NTNG1: variants seen among roughly 807,000 people sequenced by gnomAD.
NTNG1 encodes the protein netrin-G1.
NTNG1 carries 16 observed loss-of-function variants against 54.0 expected under a neutral mutation model. That is an observed-to-expected ratio of 0.30 (90% CI 0.20 to 0.45). NTNG1 has a LOEUF of 0.45. NTNG1 is among the 20% of genes least tolerant of loss of function. NTNG1 has a pLI of 1.00. For missense variants in NTNG1, 530 were observed against 678.7 expected, an observed-to-expected ratio of 0.78 and a Z score of 2.43; for synonymous variants, 255 against 263.1, an observed-to-expected ratio of 0.97 and a Z score of 0.30.
intron 2 of NTNG1, among the ~76,000 whole-genome samples, chr1:107,275,498 G>A (rs1664408820): frequency 1.3e-5 from 2 of 152,220 alleles, no homozygotes; most frequent in South Asian, 4.1e-4. Flanking sequence ...AGACCCAGGA[G>A]AGGCAATGTG....
At chr1:107,446,480 G>A (rs1676314025) in intron 7 of NTNG1, among the ~76,000 whole-genome samples, 1 of 152,048 alleles carries the variant, frequency 6.6e-6, no homozygotes, top group African/African-American at 2.4e-5. Flanking sequence ...GACAATTACA[G>A]TAATAATATC....
intron 5 of NTNG1, chr1:107,418,622 T>C (rs767129211): frequency 6.2e-7 from 1 of 1,602,272 alleles, no homozygotes; most frequent in Non-Finnish European, 8.5e-7. Context: ...ATTTCTTCCC[T>C]TGAGGTTTCT....
At chr1:107,399,956 A>G (rs900266927) in intron 4 of NTNG1, among the ~76,000 whole-genome samples, 5 of 152,032 alleles carry the variant, frequency 3.3e-5, no homozygotes, top group Admixed American at 2.0e-4. Context: ...AGTCTTTTAA[A>G]TCTCCATGTT....
At chr1:107,369,935 T>C (rs1369681614) in intron 3 of NTNG1, among the ~76,000 whole-genome samples, 1 of 152,156 alleles carries the variant, frequency 6.6e-6, no homozygotes, top group East Asian at 1.9e-4. Flanking sequence ...ATAGTTCAGT[T>C]ATTATATGAA....
chr1:107,334,569 C>T lies in NTNG1; in HGVS notation c.887+9647C>T, dbSNP rs147185305. ...ATTGGATTTGTATAGACAGGGTGTA[C>T]GCCACATAGAGTCATAGCATTGCAA... On this transcript the variant is annotated intron_variant, in intron 3 of 7. Transcript: ENST00000370068. Among the ~76,000 whole-genome samples, 412 of 151,224 alleles carry T rather than the reference C, an allele frequency of 2.7e-3. 1 individual carries two copies. Among genetic ancestry groups the T allele is most frequent in the African/African-American group, 9.5e-3 (392 of 41,214 alleles).
intron 2 of NTNG1, among the ~76,000 whole-genome samples, chr1:107,199,486 G>A (rs1658576365): frequency 6.6e-6 from 1 of 151,814 alleles, no homozygotes; most frequent in African/African-American, 2.4e-5. Context: ...TTAAAAATAT[G>A]TACTGGATAC....
chr1:107,343,729 G>C (rs11185093), intron 3 of NTNG1, among the ~76,000 whole-genome samples: 39,453 of 151,970 alleles, frequency 0.26, 5,350 homozygotes, highest in African/African-American at 0.34. Flanking sequence ...CAGTGCAATA[G>C]AGGCTTTTTA....
chr1:107,142,703 C>T (rs1570693059), intron 1 of NTNG1, among the ~76,000 whole-genome samples: 1 of 147,938 alleles, frequency 6.8e-6, no homozygotes, highest in East Asian at 1.9e-4. Flanking sequence ...GGAAGATCTT[C>T]CATTAAAATC....
At chr1:107,142,324 T>G (rs1040991154) in intron 1 of NTNG1, among the ~76,000 whole-genome samples, 3 of 151,690 alleles carry the variant, frequency 2.0e-5, no homozygotes, top group African/African-American at 7.3e-5. Context: ...TTTTTTTCCT[T>G]CAGAAATCCA....
intron 3 of NTNG1, among the ~76,000 whole-genome samples, chr1:107,388,462 G>T (rs1316924860): frequency 1.3e-5 from 2 of 152,182 alleles, no homozygotes; most frequent in African/African-American, 4.8e-5. Flanking sequence ...GCTCCATTTT[G>T]TACCTGCTGG....
At position 107,221,306 on chromosome 1, in the gene NTNG1, A is replaced by G. The variant is rs114378147; in HGVS notation, c.246+72467A>G. Among the ~76,000 whole-genome samples, 783 of 152,292 alleles carry G rather than the reference A, an allele frequency of 5.1e-3. 8 individuals are homozygous for G. The highest frequency in any genetic ancestry group is 0.018 in the African/African-American group (740 of 41,562). On this transcript the variant is annotated intron_variant, in intron 2 of 7. Transcript: ENST00000370068. ...GCAAATTGCCCTTGGGCTTCAGCCC[A>G]CAAGGAGACCACACTCCTACAGGCA...
At chr1:107,280,152 C>T in intron 2 of NTNG1, among the ~76,000 whole-genome samples, 2 of 92,760 alleles carry the variant, frequency 2.2e-5, no homozygotes, top group Non-Finnish European at 4.0e-5. Flanking sequence ...TGTTTCGGTG[C>T]TAACCTTTTT....
chr1:107,440,503 T>C (rs1182738473), intron 7 of NTNG1, among the ~76,000 whole-genome samples: 1 of 152,158 alleles, frequency 6.6e-6, no homozygotes, highest in Non-Finnish European at 1.5e-5. Context: ...ATAGTAATTG[T>C]GAAGGTTCAA....
At chr1:107,266,159 A>G (rs552408881) in intron 2 of NTNG1, among the ~76,000 whole-genome samples, 1 of 152,300 alleles carries the variant, frequency 6.6e-6, no homozygotes, top group Non-Finnish European at 1.5e-5. Flanking sequence ...ATGTGGTAAT[A>G]TGAAATTGGG....
At chr1:107,247,637 A>G (rs1338827835) in intron 2 of NTNG1, among the ~76,000 whole-genome samples, 1 of 152,204 alleles carries the variant, frequency 6.6e-6, no homozygotes, top group East Asian at 1.9e-4. Context: ...TAACATGATC[A>G]GCTTTTCTTT....
At chr1:107,193,799 C>G (rs1658128097) in intron 2 of NTNG1, among the ~76,000 whole-genome samples, 1 of 151,554 alleles carries the variant, frequency 6.6e-6, no homozygotes, top group Non-Finnish European at 1.5e-5. Flanking sequence ...TGCCACCAGA[C>G]CTTCCTTTCT....
At chr1:107,338,763 G>T (rs2101918743) in intron 3 of NTNG1, among the ~76,000 whole-genome samples, 1 of 151,450 alleles carries the variant, frequency 6.6e-6, no homozygotes. Context: ...GAAGGCCCTG[G>T]AGAATGACCA....
At chr1:107,361,389 A>ATTTTTT (rs1261714656) in intron 3 of NTNG1, among the ~76,000 whole-genome samples, 1 of 74,622 alleles carries the variant, frequency 1.3e-5, no homozygotes, top group African/African-American at 4.1e-5. Flanking sequence ...ATATATATAT[A>ATTTTTT]TATTTTTTTT....
rs1558035109 is a variant in NTNG1, at chr1:107,483,619, G to A, written c.*2779G>A. Among the ~76,000 whole-genome samples the A allele has an allele frequency of 6.6e-6, 1 of 152,176 alleles. No homozygotes were observed. The highest frequency in any genetic ancestry group is 1.9e-4 in the East Asian group (1 of 5,196). On this transcript the variant is annotated 3_prime_UTR_variant, in exon 8 of 8. Coordinates refer to ENST00000370068, the MANE Select transcript of NTNG1 (RefSeq NM_001113226.3). ...TTTCATCTACAATGTTGTGCCCTAA[G>A]AACAGGACTGGGGTGAAAAGCGGGT...
Sources: gnomAD v4.1 joint callset for allele counts (sites outside exome capture counted in the v4.1 genomes callset) on GRCh38, gnomAD v4.1.1 for gene constraint, MANE v1.5 for transcripts, NCBI Gene and HGNC (gene_info 2026-07-23, HGNC 2026-07-21) for gene names.